TMCO5A: variants seen among roughly 807,000 people sequenced by gnomAD.
TMCO5A encodes transmembrane and coiled-coil domain-containing protein 5A.
A neutral mutation model predicts 42.3 loss-of-function variants in TMCO5A; 34 were observed. That is an observed-to-expected ratio of 0.80 (90% confidence interval 0.61 to 1.07). The LOEUF is 1.07. Among genes scored for constraint, TMCO5A ranks in the 50% least tolerant of loss-of-function variants. TMCO5A has a pLI of 0.00. For synonymous variants in TMCO5A, 131 were observed against 115.6 expected (o/e 1.13, Z -0.86); for missense variants, 357 against 327.9 (o/e 1.09, Z -0.69).
At chr15:37,945,746 G>A (rs1392813696) in intron 10 of TMCO5A, among the ~76,000 whole-genome samples, 1 of 152,006 alleles carries the variant, frequency 6.6e-6, no homozygotes, top group Non-Finnish European at 1.5e-5. Context: ...ATTTGTTTAA[G>A]TTCCTTGTAG....
the TMCO5A span, among the ~76,000 whole-genome samples, chr15:38,002,410 A>T: frequency 6.6e-6 from 1 of 151,876 alleles, no homozygotes; most frequent in Non-Finnish European, 1.5e-5. Context: ...CTCTTTAAAT[A>T]TACTTTCCAC....
At chr15:38,038,969 C>T in the TMCO5A span, among the ~76,000 whole-genome samples, 12,414 of 152,230 alleles carry the variant, frequency 0.082, 656 homozygotes, top group East Asian at 0.26. Flanking sequence ...ATGTATCCCT[C>T]TGCTACAGGA....
At chr15:37,953,124 G>A (rs1217292937), downstream of TMCO5A, among the ~76,000 whole-genome samples, 1 of 152,180 alleles carries the variant, frequency 6.6e-6, no homozygotes, top group Non-Finnish European at 1.5e-5. Context: ...GACATGCACA[G>A]GGCCAGGGGT....
the TMCO5A span, among the ~76,000 whole-genome samples, chr15:38,029,367 CCACACACACA>C: frequency 4.8e-3 from 710 of 148,044 alleles, 4 homozygotes; most frequent in African/African-American, 9.2e-3. Flanking sequence ...CATGAATACA[CCACACACACA>C]CACACACACA....
the TMCO5A span, among the ~76,000 whole-genome samples, chr15:37,973,623 T>C: frequency 6.6e-6 from 1 of 152,232 alleles, no homozygotes; most frequent in African/African-American, 2.4e-5. Context: ...TTTTGTATCC[T>C]GAAACTTTGC....
At chr15:38,030,566 A>C in the TMCO5A span, among the ~76,000 whole-genome samples, 418 of 152,168 alleles carry the variant, frequency 2.7e-3, 1 homozygote, top group African/African-American at 9.0e-3. Flanking sequence ...CCTCTTCTTA[A>C]AGTCCTTTAG....
the TMCO5A span, among the ~76,000 whole-genome samples, chr15:38,038,744 C>T: frequency 7.2e-5 from 11 of 152,160 alleles, no homozygotes; most frequent in African/African-American, 2.7e-4. Flanking sequence ...GAAACTTTTA[C>T]TCTACTGGGT....
chr15:38,022,000 T>C, the TMCO5A span, among the ~76,000 whole-genome samples: 3 of 152,000 alleles, frequency 2.0e-5, no homozygotes, highest in Admixed American at 2.0e-4. Context: ...TTAGTAGAGA[T>C]AGGGTTTCAC....
chr15:38,035,748 G>C, the TMCO5A span, among the ~76,000 whole-genome samples: 58,162 of 151,920 alleles, frequency 0.38, 11,229 homozygotes, highest in South Asian at 0.54. Context: ...CCCCCTCAAA[G>C]TTTATTTGCT....
rs550665280 is a variant in TMCO5A at position 37,942,533 on chromosome 15, A to G, written c.569+278A>G. On this transcript the variant is annotated intron_variant, in intron 9 of 11. Transcript: ENST00000319669. ...TTATTCGGGTTGATATTAAGAGTAA[A>G]AACATGTACTTTAGAAAGAGTTGGT... 39 of 296,510 alleles carry G rather than the reference A, an allele frequency of 1.3e-4. No individual in the cohort carries two copies. In the South Asian group the frequency reaches 3.3e-3, roughly 25 times the overall value. The allele number at this position is 296,510 out of a possible 1,614,324, so 18.4% of individuals were successfully genotyped here.
chr15:38,027,615 G>A, the TMCO5A span, among the ~76,000 whole-genome samples: 1 of 152,148 alleles, frequency 6.6e-6, no homozygotes, highest in South Asian at 2.1e-4. Context: ...GTTTTGAAAT[G>A]TGAGGACATG....
chr15:37,949,288 A>G (rs1423950033), intron 11 of TMCO5A, among the ~76,000 whole-genome samples: 1 of 152,160 alleles, frequency 6.6e-6, no homozygotes, highest in African/African-American at 2.4e-5. Flanking sequence ...ATGATTAATA[A>G]ATTCAACTCA....
the TMCO5A span, among the ~76,000 whole-genome samples, chr15:38,010,733 C>CTTTA: frequency 2.0e-5 from 3 of 152,028 alleles, no homozygotes; most frequent in Non-Finnish European, 4.4e-5. Flanking sequence ...TAACGATACT[C>CTTTA]TTTATTTATT....
At chr15:38,022,950 C>T in the TMCO5A span, among the ~76,000 whole-genome samples, 1 of 151,938 alleles carries the variant, frequency 6.6e-6, no homozygotes, top group Non-Finnish European at 1.5e-5. Context: ...TATTCTATTT[C>T]CTCTTGAAAA....
chr15:38,032,695 T>C, the TMCO5A span, among the ~76,000 whole-genome samples: 6 of 152,196 alleles, frequency 3.9e-5, no homozygotes, highest in African/African-American at 1.2e-4. Flanking sequence ...AGAGGCCATG[T>C]CCATAATTCT....
the TMCO5A span, among the ~76,000 whole-genome samples, chr15:37,982,521 C>CTATATATAATAGATATTATATATTATT: frequency 1.8e-4 from 25 of 142,388 alleles, no homozygotes; most frequent in African/African-American, 4.4e-4. Flanking sequence ...TATATATTAT[C>CTATATATAATAGATATTATATATTATT]TATATATAAT....
the TMCO5A span, among the ~76,000 whole-genome samples, chr15:38,007,135 C>G: frequency 8.5e-5 from 13 of 152,282 alleles, 1 homozygote; most frequent in East Asian, 2.3e-3. Context: ...TATACAAAGA[C>G]AGCAGGCTGA....
chr15:38,001,426 A>ATTGGATC, the TMCO5A span, among the ~76,000 whole-genome samples: 1 of 141,522 alleles, frequency 7.1e-6, no homozygotes, highest in East Asian at 2.0e-4. Context: ...GCAATAGATC[A>ATTGGATC]TTGGATCTTG....
chr15:37,982,832 A>G, the TMCO5A span, among the ~76,000 whole-genome samples: 2 of 148,402 alleles, frequency 1.3e-5, no homozygotes, highest in Admixed American at 6.8e-5. Context: ...ATGTGTGTGT[A>G]TATATATATT....
Sources: gnomAD v4.1 joint callset for allele counts (sites outside exome capture counted in the v4.1 genomes callset) on GRCh38, gnomAD v4.1.1 for gene constraint, MANE v1.5 for transcripts, NCBI Gene and HGNC (gene_info 2026-07-23, HGNC 2026-07-21) for gene names.